Variants in ART3 observed in about 807,000 individuals in gnomAD.
ART3 encodes the protein ecto-ADP-ribosyltransferase 3.
A neutral mutation model predicts 48.5 loss-of-function variants in ART3; 49 were observed. That is an observed-to-expected ratio of 1.01 (90% confidence interval 0.80 to 1.28). The LOEUF is 1.28. ART3 is among the 50% of genes most tolerant of loss of function. The pLI, the probability that ART3 is intolerant of heterozygous loss-of-function variation, is 0.00. For missense variants in ART3, 438 were observed against 454.3 expected (o/e 0.96, Z 0.33); for synonymous variants, 145 against 157.2 (o/e 0.92, Z 0.58).
intron 3 of ART3, among the ~76,000 whole-genome samples, chr4:76,086,439 G>T (rs1295228873): frequency 6.6e-6 from 1 of 152,162 alleles, no homozygotes; most frequent in Non-Finnish European, 1.5e-5. Context: ...ACGAGAGAAT[G>T]AAACAGTAGT....
intron 1 of ART3, among the ~76,000 whole-genome samples, chr4:76,068,466 G>A (rs574861965): frequency 2.0e-5 from 3 of 152,282 alleles, no homozygotes; most frequent in African/African-American, 7.2e-5. Flanking sequence ...ATGAGATTAT[G>A]TCCTCTACAG....
rs536787782 is a variant in ART3, at chr4:76,076,068, G to A, written c.69+110G>A. 405 of 929,568 alleles carry A rather than the reference G, an allele frequency of 4.4e-4. 1 individual carries two copies. The African/African-American group carries it at 6.5e-3, about 15-fold the overall frequency. 57.6% of individuals were successfully genotyped at this position (929,568 alleles called of 1,614,324 possible). A position where few individuals can be genotyped will look rare whatever the true frequency, so the allele number is the denominator to read the frequency against. Reference sequence around the variant, plus strand: ...CCAGACTGCTGGAGTGCAGTGGCTCGATTTCGGCTCACTGCAAGCTCCGCC... The same window carrying A: ...CCAGACTGCTGGAGTGCAGTGGCTCAATTTCGGCTCACTGCAAGCTCCGCC... On this transcript the variant is annotated intron_variant, in intron 2 of 11. Transcript: ENST00000355810.
chr4:76,012,073 C>CAGTTCTGTG (rs1731852783), intron 1 of ART3: 1 of 152,200 alleles, frequency 6.6e-6, no homozygotes, highest in African/African-American at 2.4e-5. Flanking sequence ...TGAAAAATTC[C>CAGTTCTGTG]AGTTCTGTGT....
intron 1 of ART3, among the ~76,000 whole-genome samples, chr4:76,056,464 A>G (rs2149469871): frequency 6.6e-6 from 1 of 152,342 alleles, no homozygotes; most frequent in South Asian, 2.1e-4. Context: ...AATAGGTCTT[A>G]AAAGCCAGGA....
chr4:76,068,089 T>A (rs1216782376), intron 1 of ART3, among the ~76,000 whole-genome samples: 1 of 152,216 alleles, frequency 6.6e-6, no homozygotes, highest in Non-Finnish European at 1.5e-5. Context: ...GATACATATA[T>A]ATCTGGGGGT....
chr4:76,037,825 T>C (rs933478712), intron 1 of ART3, among the ~76,000 whole-genome samples: 29 of 152,176 alleles, frequency 1.9e-4, no homozygotes, highest in African/African-American at 6.8e-4. Flanking sequence ...TATTTCCTAG[T>C]TTTACCAATA....
intron 1 of ART3, among the ~76,000 whole-genome samples, chr4:76,039,690 G>A (rs1734767011): frequency 6.6e-6 from 1 of 152,202 alleles, no homozygotes; most frequent in African/African-American, 2.4e-5. Flanking sequence ...TAGCTAAAGT[G>A]TTGTCATATA....
intron 1 of ART3, chr4:76,023,342 CA>C (rs770530840): frequency 6.4e-7 from 1 of 1,562,892 alleles, no homozygotes. Flanking sequence ...TCTCATTTTA[CA>C]AATTAAGTAT....
intron 4 of ART3, among the ~76,000 whole-genome samples, chr4:76,098,200 C>CAA (rs35470242): frequency 7.8e-6 from 1 of 128,006 alleles, no homozygotes; most frequent in Non-Finnish European, 1.7e-5. Flanking sequence ...AGGATGTGAC[C>CAA]AAAAAAAAAA....
chr4:76,044,089 A>G (rs1437175281), intron 1 of ART3, among the ~76,000 whole-genome samples: 1 of 151,892 alleles, frequency 6.6e-6, no homozygotes, highest in African/African-American at 2.4e-5. Flanking sequence ...GATGGCCTCG[A>G]TTCTAGAGGA....
intron 1 of ART3, among the ~76,000 whole-genome samples, chr4:76,050,673 G>A (rs940096361): frequency 1.3e-5 from 2 of 152,218 alleles, no homozygotes; most frequent in African/African-American, 4.8e-5. Context: ...TCAGCCCTTG[G>A]GTGGTCGATG....
In ART3 at chr4:76,103,977, A is replaced by G. The variant is rs1727901635; in HGVS notation, c.970+8A>G. On this transcript the variant is annotated splice_region_variant and intron_variant, in intron 9 of 11. Transcript: ENST00000355810. ...AACCCACCCAAATACCTGGTAAGAC[A>G]GCTTTCTATTTACTCCCTGAGCCCA... The G allele has an allele frequency of 2.5e-6, 4 of 1,613,112 alleles. No individual in the cohort carries two copies. In the East Asian group the frequency reaches 6.7e-5, roughly 27 times the overall value.
At chr4:76,040,679 A>T (rs979751638) in intron 1 of ART3, among the ~76,000 whole-genome samples, 7 of 152,008 alleles carry the variant, frequency 4.6e-5, no homozygotes, top group Non-Finnish European at 8.8e-5. Context: ...ACCCTAGAGG[A>T]GGGGGCTATC....
intron 1 of ART3, among the ~76,000 whole-genome samples, chr4:76,031,268 A>G (rs1733849702): frequency 6.6e-6 from 1 of 152,188 alleles, no homozygotes; most frequent in African/African-American, 2.4e-5. Context: ...TTACATGTAC[A>G]GTAGTGAAAG....
At chr4:76,095,621 G>A (rs1446719639) in intron 3 of ART3, among the ~76,000 whole-genome samples, 2 of 152,160 alleles carry the variant, frequency 1.3e-5, no homozygotes, top group Non-Finnish European at 2.9e-5. Context: ...CAGATCACAA[G>A]GCATCCCCCT....
chr4:76,024,449 T>C (rs574873371), intron 1 of ART3, among the ~76,000 whole-genome samples: 2 of 152,308 alleles, frequency 1.3e-5, no homozygotes, highest in African/African-American at 4.8e-5. Flanking sequence ...CAGTGATAAC[T>C]GAAATTGGCA....
intron 10 of ART3, chr4:76,106,353 G>GTCA (rs1365199621): frequency 6.1e-6 from 6 of 985,358 alleles, no homozygotes; most frequent in Non-Finnish European, 7.2e-6. Context: ...AGTTACAATG[G>GTCA]TCAGTCTGTA....
intron 3 of ART3, among the ~76,000 whole-genome samples, chr4:76,093,850 A>T (rs1725446369): frequency 6.6e-6 from 1 of 152,178 alleles, no homozygotes; most frequent in Admixed American, 6.6e-5. Flanking sequence ...TCTACTTAAC[A>T]CCTGTTAGTA....
upstream of ART3, among the ~76,000 whole-genome samples, chr4:76,072,855 G>A (rs1044964069): frequency 3.9e-5 from 6 of 152,124 alleles, 1 homozygote; most frequent in South Asian, 4.1e-4. Flanking sequence ...GCTTTAGTAC[G>A]TGCTGTTCAC....
Sources: gnomAD v4.1 joint callset for allele counts (sites outside exome capture counted in the v4.1 genomes callset) on GRCh38, gnomAD v4.1.1 for gene constraint, MANE v1.5 for transcripts, NCBI Gene and HGNC (gene_info 2026-07-23, HGNC 2026-07-21) for gene names.